Variants in XIRP2 observed in about 807,000 individuals in gnomAD.
XIRP2 encodes the protein xin actin-binding repeat-containing protein 2.
A neutral mutation model predicts 277.0 loss-of-function variants in XIRP2; 236 were observed. The ratio of observed to expected loss-of-function variants is 0.85; its 90% CI spans 0.77 to 0.95. The LOEUF (loss-of-function observed/expected upper bound fraction) is 0.95, where lower values mean the gene tolerates loss of function less well. Ranked by LOEUF, XIRP2 falls within the 40% of genes least tolerant of loss-of-function variation. XIRP2 has a pLI of 0.00. For synonymous variants in XIRP2, 1,490 were observed against 1,416.5 expected (o/e 1.05, Z -1.17); for missense variants, 4,640 against 4,157.5 (o/e 1.12, Z -3.19).
intron 3 of XIRP2, among the ~76,000 whole-genome samples, chr2:167,164,929 A>G (rs1692476930): frequency 6.6e-6 from 1 of 152,192 alleles, no homozygotes; most frequent in Non-Finnish European, 1.5e-5. Flanking sequence ...TTGGACAAAC[A>G]TAAAACAATA....
At chr2:167,094,307 C>T (rs538837527) in intron 2 of XIRP2, among the ~76,000 whole-genome samples, 5 of 152,120 alleles carry the variant, frequency 3.3e-5, no homozygotes, top group Non-Finnish European at 7.4e-5. Flanking sequence ...TGTGCAGAAG[C>T]TCTTTAGTTT....
rs1693601620 is a variant in XIRP2 at position 167,198,958 on chromosome 2, C to T, written c.563-11777C>T. Among the ~76,000 whole-genome samples the T allele has an allele frequency of 2.0e-5, 3 of 152,250 alleles. No individual in the cohort carries two copies. The South Asian group carries it at 6.2e-4, about 32-fold the overall frequency. On this transcript the variant is annotated intron_variant, in intron 3 of 10. Transcript: ENST00000409195. ...AACAAAGACTTGAGATCATTGAAAACAGTTTGTGTAAATTCAAGGATTGAT... is the reference window on the plus strand; with the variant it reads ...AACAAAGACTTGAGATCATTGAAAATAGTTTGTGTAAATTCAAGGATTGAT...
At position 167,248,832 on chromosome 2, in the gene XIRP2, C is replaced by A. The variant is rs995686779; in HGVS notation, c.7440C>A (p.Asn2480Lys). The A allele has an allele frequency of 2.5e-6, 4 of 1,613,424 alleles. No homozygotes were observed. Among genetic ancestry groups the A allele is most frequent in the Non-Finnish European group, 3.4e-6 (4 of 1,179,724 alleles). The change falls in exon 9 of 11, where the codon AAC becomes AAA. Residue 2480 changes from asparagine to lysine, a missense_variant. Physicochemically the swap from Asn to Lys is moderately conservative, Grantham distance 94. Coordinates refer to ENST00000409195, the MANE Select transcript of XIRP2 (RefSeq NM_152381.6). ...TSSEHTETKQNVISKSLDERK... is the reference protein window; with the variant it reads ...TSSEHTETKQKVISKSLDERK... ...GTGAACACACGGAGACAAAGCAGAA[C>A]GTTATTAGTAAGAGTCTTGATGAAA...
rs192160668 is a variant in XIRP2 at position 167,210,879 on chromosome 2, G to T, written c.707G>T (p.Arg236Leu). ...GCAGCTGTTTCCAGGGGTGACTGCCGCAGCTTCTCTGCTAATGTAAGCTGC... is the reference window on the plus strand; with the variant it reads ...GCAGCTGTTTCCAGGGGTGACTGCCTCAGCTTCTCTGCTAATGTAAGCTGC... ...YQAAVSRGDC[R>L]SFSANMMEES... is the part of the protein sequence containing the mutation. The change falls in exon 4 of 11, where the codon CGC becomes CTC. Residue 236 changes from arginine (R) to leucine (L), a missense_variant. Transcript: ENST00000409195. The T allele has an allele frequency of 2.0e-5, 33 of 1,613,948 alleles. No individual in the cohort carries two copies. The highest frequency in any genetic ancestry group is 2.6e-5 in the Non-Finnish European group (31 of 1,179,982).
rs116221631 is a variant in XIRP2, at chr2:167,002,848, C to A, written c.408+98958C>A. 2.8e-3 allele frequency among the ~76,000 whole-genome samples: 428 copies of A among 151,900 alleles called. 3 individuals are homozygous for A. Among genetic ancestry groups the A allele is most frequent in the African/African-American group, 9.8e-3 (405 of 41,506 alleles). The stretch of plus-strand genomic sequence containing the variant: ...ATAATGTTATCTTTGTTAAATAGTT[C>A]TTTAAATATTCAAATATGGTATTAA... On this transcript the variant is annotated intron_variant, in intron 2 of 10. Coordinates refer to ENST00000409195, the MANE Select transcript of XIRP2 (RefSeq NM_152381.6).
intron 1 of XIRP2, among the ~76,000 whole-genome samples, chr2:166,893,790 T>G (rs1160702631): frequency 1.3e-5 from 2 of 152,178 alleles, no homozygotes; most frequent in African/African-American, 4.8e-5. Context: ...TTTCTTAGAT[T>G]TGAACATGTG....
chr2:167,082,696 C>G (rs962823779), intron 2 of XIRP2, among the ~76,000 whole-genome samples: 1 of 150,830 alleles, frequency 6.6e-6, no homozygotes, highest in African/African-American at 2.4e-5. Flanking sequence ...CTGATGGCCA[C>G]TGATGAGCAT....
At chr2:167,220,011 C>T (rs1694375053) in intron 5 of XIRP2, among the ~76,000 whole-genome samples, 1 of 152,094 alleles carries the variant, frequency 6.6e-6, no homozygotes, top group Non-Finnish European at 1.5e-5. Context: ...ATGTAAGCTC[C>T]AGTGGAGTAC....
At chr2:167,066,064 A>ATGTG (rs147344355) in intron 2 of XIRP2, among the ~76,000 whole-genome samples, 24 of 150,548 alleles carry the variant, frequency 1.6e-4, no homozygotes, top group African/African-American at 5.6e-4. Context: ...GGGGGTGTGT[A>ATGTG]TGTGTGTGTG....
chr2:167,017,681 T>C (rs191977844), intron 2 of XIRP2, among the ~76,000 whole-genome samples: 8 of 152,038 alleles, frequency 5.3e-5, no homozygotes, highest in Non-Finnish European at 1.0e-4. Context: ...CCTCGACTCA[T>C]GTAGAAGTCT....
At chr2:166,915,993 G>A (rs929456099) in intron 2 of XIRP2, among the ~76,000 whole-genome samples, 1 of 152,126 alleles carries the variant, frequency 6.6e-6, no homozygotes, top group Non-Finnish European at 1.5e-5. Flanking sequence ...TGGAGGCATG[G>A]AGAAAACCAT....
At chr2:167,093,642 G>A (rs1690213972) in intron 2 of XIRP2, among the ~76,000 whole-genome samples, 1 of 152,088 alleles carries the variant, frequency 6.6e-6, no homozygotes, top group African/African-American at 2.4e-5. Flanking sequence ...GCAAAGAAAT[G>A]AACTCATTCT....
chr2:167,192,302 TC>T (rs1693368540), intron 3 of XIRP2, among the ~76,000 whole-genome samples: 1 of 152,086 alleles, frequency 6.6e-6, no homozygotes, highest in Admixed American at 6.6e-5. Flanking sequence ...GAGTCACATT[TC>T]CCCCCATTTA....
Position 167,245,062 on chromosome 2 carries a change from A to C in XIRP2, c.3670A>C (p.Lys1224Gln). ...TTCAGAGGAAGTTTTGAAAAAGATC[A>C]AAACCTTAAAAACTGAAGATATTCA... ...SSSEEVLKKI[K>Q]TLKTEDIQKG... Residue 1224 changes from lysine (K) to glutamine (Q), a missense_variant, in exon 9 of 11, where the codon AAA becomes CAA. Physicochemically the swap from Lys to Gln is moderately conservative, Grantham distance 53. Coordinates refer to ENST00000409195, the MANE Select transcript of XIRP2 (RefSeq NM_152381.6). 2 of 1,610,234 alleles carry C rather than the reference A, an allele frequency of 1.2e-6. No individual in the cohort carries two copies. Among genetic ancestry groups the C allele is most frequent in the South Asian group, 2.2e-5 (2 of 89,990 alleles).
intron 2 of XIRP2, among the ~76,000 whole-genome samples, chr2:166,961,448 A>G (rs1044758424): frequency 2.1e-4 from 32 of 151,794 alleles, no homozygotes; most frequent in Admixed American, 3.9e-4. Flanking sequence ...AAGTAAAAAA[A>G]GAATAACTTC....
chr2:167,112,566 A>G (rs905147958), intron 2 of XIRP2, among the ~76,000 whole-genome samples: 1 of 141,352 alleles, frequency 7.1e-6, no homozygotes, highest in African/African-American at 2.9e-5. Flanking sequence ...ATATTTATAT[A>G]GAGATATATT....
At chr2:166,936,912 A>G (rs999620096) in intron 2 of XIRP2, among the ~76,000 whole-genome samples, 1 of 152,126 alleles carries the variant, frequency 6.6e-6, no homozygotes, top group African/African-American at 2.4e-5. Context: ...TTTTGGTTCC[A>G]TATGGACTTT....
chr2:167,120,794 G>C (rs1691035602), intron 2 of XIRP2, among the ~76,000 whole-genome samples: 1 of 151,968 alleles, frequency 6.6e-6, no homozygotes, highest in African/African-American at 2.4e-5. Context: ...TTCATATTTT[G>C]CCCAAATATT....
intron 2 of XIRP2, among the ~76,000 whole-genome samples, chr2:166,934,208 A>AC (rs1166240484): frequency 2.7e-5 from 4 of 150,838 alleles, no homozygotes; most frequent in African/African-American, 7.4e-5. Flanking sequence ...AAAAAAAAAA[A>AC]AAAAAACAAA....
Sources: gnomAD v4.1 joint callset for allele counts (sites outside exome capture counted in the v4.1 genomes callset) on GRCh38, gnomAD v4.1.1 for gene constraint, MANE v1.5 for transcripts, NCBI Gene and HGNC (gene_info 2026-07-23, HGNC 2026-07-21) for gene names.